The following MYO3B variants were observed in gnomAD, a reference collection of about 807,000 sequenced individuals.
MYO3B encodes the protein myosin-IIIb.
Under a neutral mutation model 174.6 loss-of-function variants are expected in MYO3B, and 156 were observed. The ratio of observed to expected loss-of-function variants is 0.89; its 90% CI spans 0.78 to 1.02. The LOEUF (loss-of-function observed/expected upper bound fraction) is 1.02, where lower values mean the gene tolerates loss of function less well. MYO3B is among the 50% of genes least tolerant of loss of function. The pLI is 0.00. For synonymous variants in MYO3B, 563 were observed against 569.1 expected, an observed-to-expected ratio of 0.99 and a Z score of 0.15; for missense variants, 1,632 against 1,639.4, an observed-to-expected ratio of 1.00 and a Z score of 0.08.
chr2:170,567,005 G>A (rs545094609), intron 32 of MYO3B, among the ~76,000 whole-genome samples: 7 of 152,172 alleles, frequency 4.6e-5, no homozygotes, highest in East Asian at 3.9e-4. Context: ...TAATATTGTC[G>A]TATTTTAAAC....
chr2:170,610,266 G>A (rs963880751), intron 32 of MYO3B, among the ~76,000 whole-genome samples: 4 of 60,586 alleles, frequency 6.6e-5, no homozygotes, highest in African/African-American at 1.1e-4. Flanking sequence ...CGTGAACCCC[G>A]GAGGGTGGAG....
At chr2:170,544,026 A>G (rs772416624) in intron 32 of MYO3B, 38 bp downstream of exon 32, 1 of 1,469,032 alleles carries the variant, frequency 6.8e-7, no homozygotes, top group Admixed American at 1.7e-5. Context: ...GGCTTCTACC[A>G]TTTGCATGTT....
At chr2:170,374,444 G>A in intron 9 of MYO3B, among the ~76,000 whole-genome samples, 1 of 152,178 alleles carries the variant, frequency 6.6e-6, no homozygotes, top group Non-Finnish European at 1.5e-5. Flanking sequence ...AGGAACTAAG[G>A]ATAGCTGAGC....
chr2:170,512,730 G>T lies in MYO3B; in HGVS notation c.3371-2191G>T, dbSNP rs553620825. On this transcript the variant is annotated intron_variant, in intron 28 of 34. Transcript: ENST00000408978. ...GATTTTTTTACTTTCATTTATAAAG[G>T]GGGAAAAAAAAGGAGAATAGGGATT... Among the ~76,000 whole-genome samples, 10 of 151,732 alleles carry T rather than the reference G, an allele frequency of 6.6e-5. No individual in the cohort carries two copies. The East Asian group carries it at 1.9e-3, about 29-fold the overall frequency.
intron 32 of MYO3B, chr2:170,640,722 C>G (rs545060085): frequency 6.6e-5 from 10 of 152,086 alleles, no homozygotes; most frequent in Non-Finnish European, 1.5e-4. Context: ...TTTTAACAAG[C>G]CTTTTAAGAA....
chr2:170,335,544 G>T, intron 8 of MYO3B, 94 bp downstream of exon 8: 1 of 941,394 alleles, frequency 1.1e-6, no homozygotes, highest in Non-Finnish European at 1.7e-6. Context: ...GACACTAGAG[G>T]TTGTTATGCC....
At chr2:170,560,313 A>G (rs1420901693) in intron 32 of MYO3B, among the ~76,000 whole-genome samples, 1 of 152,084 alleles carries the variant, frequency 6.6e-6, no homozygotes, top group Non-Finnish European at 1.5e-5. Context: ...AGTTTGTGTA[A>G]TGGGAGGGAG....
intron 9 of MYO3B, among the ~76,000 whole-genome samples, chr2:170,378,268 A>T (rs1281928184): frequency 6.6e-6 from 1 of 152,208 alleles, no homozygotes; most frequent in Non-Finnish European, 1.5e-5. Flanking sequence ...AGGAAAGTTA[A>T]GCGGGCAGCA....
At chr2:170,505,628 A>G (rs1272619927) in intron 28 of MYO3B, among the ~76,000 whole-genome samples, 1 of 152,252 alleles carries the variant, frequency 6.6e-6, no homozygotes, top group African/African-American at 2.4e-5. Context: ...GAACTTTATT[A>G]AAGACCTACA....
At chr2:170,520,954 C>T (rs1688636054) in intron 30 of MYO3B, among the ~76,000 whole-genome samples, 1 of 152,168 alleles carries the variant, frequency 6.6e-6, no homozygotes, top group Non-Finnish European at 1.5e-5. Context: ...GAATGAAACT[C>T]ACCTTTCTTA....
Position 170,544,004 on chromosome 2 carries a change from T to G in MYO3B, c.3733+16T>G. The G allele has an allele frequency of 6.4e-7, 1 of 1,570,010 alleles. No homozygotes were observed. The highest frequency in any genetic ancestry group is 1.1e-5 in the South Asian group (1 of 89,716). ...CAAAAGCCTGGTAAGAAGAACGTTT[T>G]GAATTGCATGCGGCTTCTACCATTT... On this transcript the variant is annotated intron_variant, in intron 32 of 34. Coordinates refer to ENST00000408978, the MANE Select transcript of MYO3B (RefSeq NM_138995.5).
At chr2:170,429,750 C>G (rs1236925362) in intron 22 of MYO3B, among the ~76,000 whole-genome samples, 1 of 152,182 alleles carries the variant, frequency 6.6e-6, no homozygotes, top group East Asian at 1.9e-4. Flanking sequence ...CTTTCACAAT[C>G]TAGCTCATTC....
intron 10 of MYO3B, chr2:170,382,382 A>C (rs931600789): frequency 3.7e-6 from 1 of 267,022 alleles, no homozygotes; most frequent in South Asian, 1.3e-4. Flanking sequence ...GGATTATATC[A>C]GCTGAAAATA....
At chr2:170,645,257 G>A (rs1484981886) in intron 32 of MYO3B, among the ~76,000 whole-genome samples, 1 of 152,094 alleles carries the variant, frequency 6.6e-6, no homozygotes, top group Non-Finnish European at 1.5e-5. Flanking sequence ...GATTGCTTGA[G>A]GTCAGGAGTT....
chr2:170,249,403 T>C (rs931404881), intron 7 of MYO3B, among the ~76,000 whole-genome samples: 3 of 152,206 alleles, frequency 2.0e-5, no homozygotes, highest in Non-Finnish European at 2.9e-5. Context: ...CCTAACTCTT[T>C]TGGCCTCAGC....
At position 170,444,023 on chromosome 2, in the gene MYO3B, C is replaced by T; in HGVS notation, c.2707C>T (p.His903Tyr). ...AGTGGCCTCAAGTTCTTTGCCTCCA[C>T]ATTTCAGTGCTGGGAAAGCCAAGGT... The part of the protein sequence containing the change: ...ITVASSSLPP[H>Y]FSAGKAKVDT... Residue 903 changes from histidine to tyrosine, a missense_variant, in exon 23 of 35, where the codon CAT becomes TAT. Coordinates refer to ENST00000408978, the MANE Select transcript of MYO3B (RefSeq NM_138995.5). 1 of 1,613,408 alleles carries T rather than the reference C, an allele frequency of 6.2e-7. No homozygotes were observed.
chr2:170,409,557 T>A (rs1158370249), intron 22 of MYO3B, among the ~76,000 whole-genome samples: 1 of 152,234 alleles, frequency 6.6e-6, no homozygotes, highest in African/African-American at 2.4e-5. Context: ...ACATTTTGAG[T>A]ATAGTTAAGA....
At chr2:170,392,740 C>T (rs1203915190) in intron 16 of MYO3B, among the ~76,000 whole-genome samples, 4 of 152,132 alleles carry the variant, frequency 2.6e-5, no homozygotes, top group Non-Finnish European at 5.9e-5. Flanking sequence ...ATCATTTTAA[C>T]GAGAAGTCCA....
chr2:170,358,015 G>A (rs1404901303), intron 8 of MYO3B, among the ~76,000 whole-genome samples: 2 of 151,970 alleles, frequency 1.3e-5, no homozygotes, highest in African/African-American at 4.8e-5. Flanking sequence ...AGCCAGGTGC[G>A]GTGGGGAGCG....
Sources: allele counts gnomAD v4.1 joint callset (sites outside exome capture counted in the v4.1 genomes callset), GRCh38; gene constraint gnomAD v4.1.1; transcripts MANE v1.5; gene names NCBI Gene and HGNC (gene_info 2026-07-23, HGNC 2026-07-21).